LIPT1: variants seen among roughly 807,000 people sequenced by gnomAD.
LIPT1 encodes the protein lipoyltransferase 1.
LIPT1 carries 22 observed loss-of-function variants against 25.1 expected under a neutral mutation model. That is an observed-to-expected ratio of 0.88 (90% CI 0.63 to 1.25). The LOEUF is 1.25. Among genes scored for constraint, LIPT1 ranks in the 50% most tolerant of loss-of-function variants. The probability of loss-of-function intolerance (pLI) is 0.00; values close to 1 mark genes in which losing one functional copy is unlikely to be tolerated. For synonymous variants in LIPT1, 131 were observed against 150.8 expected, an observed-to-expected ratio of 0.87 and a Z score of 0.96; for missense variants, 399 against 432.8, an observed-to-expected ratio of 0.92 and a Z score of 0.69.
rs2093806514 is a variant in LIPT1 at position 99,162,751 on chromosome 2, A to C, written c.794A>C (p.Glu265Ala). 1 of 1,614,044 alleles carries C rather than the reference A, an allele frequency of 6.2e-7. No individual in the cohort carries two copies. The highest frequency in any genetic ancestry group is 1.3e-5 in the African/African-American group (1 of 74,930). ...LFPGINSKAK[E>A]LQTWEWIYGK... is the part of the protein sequence containing the mutation. ...CCTGGAATAAATAGCAAAGCCAAAGAACTGCAAACTTGGGAGTGGATATAT... is the reference window on the plus strand; with the variant it reads ...CCTGGAATAAATAGCAAAGCCAAAGCACTGCAAACTTGGGAGTGGATATAT... Residue 265 changes from glutamate to alanine, a missense_variant, in exon 2 of 2, where the codon GAA becomes GCA. Glu to Ala is a moderately radical substitution (Grantham distance 107). Transcript: ENST00000651691.
chr2:99,158,709 A>G (rs915108838), intron 1 of LIPT1, among the ~76,000 whole-genome samples: 8 of 152,174 alleles, frequency 5.3e-5, no homozygotes, highest in African/African-American at 1.9e-4. Flanking sequence ...TTTTCCACTA[A>G]GCTGTTGCAC....
At chr2:99,155,472 T>G (rs1272971039) in intron 1 of LIPT1, 2 of 455,938 alleles carry the variant, frequency 4.4e-6, no homozygotes, top group African/African-American at 2.0e-5. Flanking sequence ...TGTGCTGTTT[T>G]CGCTTTCAGT....
At chr2:99,155,192 G>A in intron 1 of LIPT1, 141 bp downstream of exon 1, 1 of 399,178 alleles carries the variant, frequency 2.5e-6, no homozygotes, top group South Asian at 1.8e-5. Flanking sequence ...AGCCTCTTGT[G>A]TGCACACTTT....
At chr2:99,161,058 G>A (rs2093783265) in intron 1 of LIPT1, among the ~76,000 whole-genome samples, 1 of 151,300 alleles carries the variant, frequency 6.6e-6, no homozygotes, top group South Asian at 2.1e-4. Context: ...GAGGTCAGGA[G>A]TTCCAAGACC....
At position 99,162,991 on chromosome 2, in the gene LIPT1, C is replaced by T. The variant is rs753014085; in HGVS notation, c.1034C>T (p.Thr345Ile). The change falls in exon 2 of 2, where the codon ACA (threonine) becomes ATA (isoleucine). Residue 345 changes from threonine to isoleucine, a missense_variant. Transcript: ENST00000651691. ...KFCPTETTMLTNILLRTCPQD... is the reference protein window; with the variant it reads ...KFCPTETTMLINILLRTCPQD... ...TGCCCAACTGAAACTACCATGCTAA[C>T]AAATATATTACTTAGAACATGTCCA... is the stretch of plus-strand genomic sequence containing the variant. 2 of 1,613,122 alleles carry T rather than the reference C, an allele frequency of 1.2e-6. No homozygotes were observed. The highest frequency in any genetic ancestry group is 3.3e-5 in the Admixed American group (2 of 59,866).
At position 99,162,054 on chromosome 2, in the gene LIPT1, A is replaced by C; in HGVS notation, c.97A>C (p.Ile33Leu). The change falls in exon 2 of 2, where the codon ATT becomes CTT. Residue 33 changes from isoleucine to leucine, a missense_variant. Physicochemically the swap from Ile to Leu is conservative, Grantham distance 5 (BLOSUM62 2). Transcript: ENST00000651691. ...GFKKTVKNGL[I>L]LQSISNDVYQ... The stretch of plus-strand genomic sequence containing the variant: ...TAAAAAAACAGTAAAAAATGGGCTC[A>C]TTTTACAGTCAATTTCCAATGATGT... 5.6e-6 allele frequency: 9 copies of C among 1,614,142 alleles called. No homozygotes were observed. Among genetic ancestry groups the C allele is most frequent in the Non-Finnish European group, 7.6e-6 (9 of 1,180,012 alleles).
chr2:99,159,364 G>A (rs149942444), intron 1 of LIPT1, among the ~76,000 whole-genome samples: 5 of 152,180 alleles, frequency 3.3e-5, no homozygotes, highest in Admixed American at 1.3e-4. Flanking sequence ...CGCCCGGCCA[G>A]TTCACCTTCT....
chr2:99,159,756 C>T (rs1043504230), intron 1 of LIPT1, among the ~76,000 whole-genome samples: 2 of 152,098 alleles, frequency 1.3e-5, no homozygotes, highest in African/African-American at 4.8e-5. Flanking sequence ...AGAGGTTAAC[C>T]AAAGTAATGC....
chr2:99,154,984 C>T lies in LIPT1; in HGVS notation c.-69C>T, dbSNP rs2093734505. 6.6e-6 allele frequency: 3 copies of T among 455,800 alleles called. No individual in the cohort carries two copies. Among genetic ancestry groups the T allele is most frequent in the South Asian group, 3.1e-5 (2 of 64,548 alleles). The allele number at this position is 455,800 out of a possible 1,614,324, so 28.2% of individuals were successfully genotyped here. ...TCGCGCGCAAGGCCTGCCGGTTGCT[C>T]GGGGTCGTATGACGCACTTTTCCAG... On this transcript the variant is annotated 5_prime_UTR_variant, in exon 1 of 2. Transcript: ENST00000651691.
chr2:99,162,869 T>C lies in LIPT1; in HGVS notation c.912T>C (p.Asn304=). 6.2e-7 allele frequency: 1 copy of C among 1,612,752 alleles called. No individual in the cohort carries two copies. Among genetic ancestry groups the C allele is most frequent in the Non-Finnish European group, 8.5e-7 (1 of 1,179,134 alleles). Reference sequence around the variant, plus strand: ...TTAAAGTATTCATAGACATAAAGAATGGAAGAATTGAAATTTGTAATATTG... The same window carrying C: ...TTAAAGTATTCATAGACATAAAGAACGGAAGAATTGAAATTTGTAATATTG... ...LEIKVFIDIK[N]GRIEICNIEA... Residue 304 remains asparagine, a synonymous_variant, in exon 2 of 2, where the codon AAT becomes AAC. Coordinates refer to ENST00000651691, the MANE Select transcript of LIPT1 (RefSeq NM_145199.3).
At chr2:99,161,099 T>C (rs1362810403) in intron 1 of LIPT1, among the ~76,000 whole-genome samples, 1 of 150,654 alleles carries the variant, frequency 6.6e-6, no homozygotes, top group East Asian at 1.9e-4. Context: ...ACCCCATGCC[T>C]ACTAAAAATA....
intron 1 of LIPT1, among the ~76,000 whole-genome samples, chr2:99,158,954 A>G (rs2093769359): frequency 6.6e-6 from 1 of 151,626 alleles, no homozygotes; most frequent in African/African-American, 2.4e-5. Context: ...TTTTAGACGG[A>G]GTCTTGCTCT....
intron 1 of LIPT1, among the ~76,000 whole-genome samples, chr2:99,158,789 T>G: frequency 6.6e-6 from 1 of 152,222 alleles, no homozygotes; most frequent in East Asian, 1.9e-4. Flanking sequence ...ATTAGAGCAT[T>G]AGATGGCGCT....
Position 99,162,142 on chromosome 2 carries a change from T to C in LIPT1, c.185T>C (p.Ile62Thr). 6.2e-7 allele frequency: 1 copy of C among 1,614,092 alleles called. No homozygotes were observed. Among genetic ancestry groups the C allele is most frequent in the South Asian group, 1.1e-5 (1 of 91,078 alleles). Residue 62 changes from isoleucine to threonine, a missense_variant, in exon 2 of 2, where the codon ATT becomes ACT. Physicochemically the swap from Ile to Thr is moderately conservative, Grantham distance 89. Coordinates refer to ENST00000651691, the MANE Select transcript of LIPT1 (RefSeq NM_145199.3). ...HDHMNLEGKP[I>T]LFFWQNSPSV... The stretch of plus-strand genomic sequence containing the variant: ...CATATGAATCTAGAAGGCAAACCAA[T>C]TCTATTCTTTTGGCAGAATTCTCCC...
At position 99,162,502 on chromosome 2, in the gene LIPT1, G is replaced by T. The variant is rs755771660; in HGVS notation, c.545G>T (p.Cys182Phe). Residue 182 changes from cysteine to phenylalanine, a missense_variant, in exon 2 of 2, where the codon TGT becomes TTT. By Grantham distance (205) the Cys-to-Phe change is radical. Coordinates refer to ENST00000651691, the MANE Select transcript of LIPT1 (RefSeq NM_145199.3). Reference sequence around the variant, plus strand: ...GCCTATCACCATTGCACTTTATTATGTAGTACTGATGGGACGTTCTTGTCT... The same window carrying T: ...GCCTATCACCATTGCACTTTATTATTTAGTACTGATGGGACGTTCTTGTCT... ...TTAYHHCTLLCSTDGTFLSSL... is the reference protein window; with the variant it reads ...TTAYHHCTLLFSTDGTFLSSL... The T allele has an allele frequency of 2.5e-6, 4 of 1,614,104 alleles. No homozygotes were observed. The highest frequency in any genetic ancestry group is 3.4e-6 in the Non-Finnish European group (4 of 1,180,016).
At position 99,161,962 on chromosome 2, in the gene LIPT1, T is replaced by C. The variant is rs1574810953; in HGVS notation, c.5T>C (p.Leu2Pro). MLIPFSMKNCFQ... is the reference protein window; with the variant it reads MPIPFSMKNCFQ... ...TTGTCTTCCATTTTTAAAAGCATGC[T>C]GATCCCATTTTCAATGAAGAATTGC... Residue 2 changes from leucine (L) to proline (P), a missense_variant, in exon 2 of 2, where the codon CTG (leucine) becomes CCG (proline). Physicochemically the swap from Leu to Pro is moderately conservative, Grantham distance 98. Coordinates refer to ENST00000651691, the MANE Select transcript of LIPT1 (RefSeq NM_145199.3). 5.6e-6 allele frequency: 9 copies of C among 1,593,808 alleles called. No individual in the cohort carries two copies. Among genetic ancestry groups the C allele is most frequent in the Non-Finnish European group, 7.7e-6 (9 of 1,168,790 alleles).
At chr2:99,159,779 G>C (rs923557630) in intron 1 of LIPT1, among the ~76,000 whole-genome samples, 6 of 152,136 alleles carry the variant, frequency 3.9e-5, no homozygotes, top group Non-Finnish European at 5.9e-5. Context: ...TCTCGGTTGC[G>C]AGGCTTCCTA....
At chr2:99,160,031 G>A (rs1242544058) in intron 1 of LIPT1, among the ~76,000 whole-genome samples, 1 of 152,134 alleles carries the variant, frequency 6.6e-6, no homozygotes, top group African/African-American at 2.4e-5. Context: ...CTTTTTGTAG[G>A]TTAGTTTATA....
At position 99,162,349 on chromosome 2, in the gene LIPT1, A is replaced by C. The variant is rs1188670356; in HGVS notation, c.392A>C (p.Lys131Thr). Residue 131 changes from lysine to threonine, a missense_variant, in exon 2 of 2, where the codon AAA becomes ACA. By Grantham distance (78) the Lys-to-Thr change is moderately conservative (BLOSUM62 -1). Coordinates refer to ENST00000651691, the MANE Select transcript of LIPT1 (RefSeq NM_145199.3). Reference protein sequence around the residue: ...KKKYDRMENLKLIVRALNAVQ... With the variant: ...KKKYDRMENLTLIVRALNAVQ... The stretch of plus-strand genomic sequence containing the variant: ...AAGTATGATAGAATGGAAAATCTGA[A>C]ATTAATTGTGAGAGCTCTGAATGCT... 6.2e-7 allele frequency: 1 copy of C among 1,613,742 alleles called. No homozygotes were observed. The highest frequency in any genetic ancestry group is 8.5e-7 in the Non-Finnish European group (1 of 1,179,996).
Sources: gnomAD v4.1 joint callset for allele counts (sites outside exome capture counted in the v4.1 genomes callset) on GRCh38, gnomAD v4.1.1 for gene constraint, MANE v1.5 for transcripts, NCBI Gene and HGNC (gene_info 2026-07-23, HGNC 2026-07-21) for gene names.